The following ASTN2 variants were observed in gnomAD, a reference collection of about 807,000 sequenced individuals.
The protein encoded by ASTN2 is astrotactin-2.
Under a neutral mutation model 139.8 loss-of-function variants are expected in ASTN2, and 54 were observed. The observed-to-expected ratio is 0.39, with a 90% CI of 0.31 to 0.48. ASTN2 has a LOEUF of 0.48. ASTN2 is among the 20% of genes least tolerant of loss of function. ASTN2 has a pLI of 0.95. For missense variants in ASTN2, 1,565 were observed against 1,725.1 expected, an observed-to-expected ratio of 0.91 and a Z score of 1.64; for synonymous variants, 756 against 719.5, an observed-to-expected ratio of 1.05 and a Z score of -0.81.
chr9:116,862,753 C>T (rs1285581881), intron 11 of ASTN2, among the ~76,000 whole-genome samples: 1 of 151,200 alleles, frequency 6.6e-6, no homozygotes, highest in East Asian at 2.0e-4. Context: ...CTGAGTTTAG[C>T]CTATGTGGCA....
chr9:116,958,578 G>A (rs1450197533), intron 10 of ASTN2, among the ~76,000 whole-genome samples: 1 of 151,964 alleles, frequency 6.6e-6, no homozygotes. Context: ...GACAAAGCTG[G>A]ACTCCGTCTC....
chr9:117,383,157 C>T (rs1038133144), intron 1 of ASTN2, among the ~76,000 whole-genome samples: 1 of 152,172 alleles, frequency 6.6e-6, no homozygotes, highest in African/African-American at 2.4e-5. Flanking sequence ...CACAAAATAT[C>T]ATTCTTCTTT....
At position 116,803,500 on chromosome 9, in the gene ASTN2, ATATATATATATATATATATATATTTTTTT is replaced by A. The variant is rs1367331106; in HGVS notation, c.2396+2103_2396+2131del. 0.035 allele frequency among the ~76,000 whole-genome samples: 494 copies of A among 14,250 alleles called. 13 individuals carry two copies. In the East Asian group the frequency reaches 0.35, roughly 10 times the overall value. The allele number at this position is 14,250 out of a possible 152,430, so 9.3% of individuals were successfully genotyped here. ...TCGAATAATATATATATATATATAT[ATATATATATATATATATATATATTTTTTT>A]TTTTTTTTTTTTTTAGACGGAGTCT... On this transcript the variant is annotated intron_variant, in intron 13 of 22. Coordinates refer to ENST00000313400, the MANE Select transcript of ASTN2 (RefSeq NM_001365068.1).
intron 5 of ASTN2, among the ~76,000 whole-genome samples, chr9:117,071,059 G>A (rs1828107161): frequency 6.7e-6 from 1 of 149,006 alleles, no homozygotes; most frequent in African/African-American, 2.5e-5. Context: ...GTGAGGAGCT[G>A]CGTTCCTTTG....
intron 5 of ASTN2, among the ~76,000 whole-genome samples, chr9:117,083,468 G>T (rs537849138): frequency 6.6e-6 from 1 of 152,272 alleles, no homozygotes; most frequent in South Asian, 2.1e-4. Flanking sequence ...ATTAAATAAG[G>T]TTATGCATGC....
At chr9:116,544,744 C>G (rs1228110319) in intron 19 of ASTN2, among the ~76,000 whole-genome samples, 1 of 152,120 alleles carries the variant, frequency 6.6e-6, no homozygotes, top group African/African-American at 2.4e-5. Flanking sequence ...GGCCTCTAGA[C>G]CACAGGAGCA....
intron 19 of ASTN2, among the ~76,000 whole-genome samples, chr9:116,605,481 G>A (rs1855145036): frequency 6.6e-6 from 1 of 152,160 alleles, no homozygotes; most frequent in South Asian, 2.1e-4. Context: ...GAAAATGCAT[G>A]GGGGTGTGGT....
In ASTN2 at chr9:116,917,156, C is replaced by T. The variant is rs144829683; in HGVS notation, c.1890-53423G>A. On this transcript the variant is annotated intron_variant, in intron 10 of 22. Transcript: ENST00000313400. ...CTTTTTCTCACCTCCTTTCCCTTTA[C>T]TCCTGCTCATCCTGTAGATGTTAGA... Among the ~76,000 whole-genome samples the T allele has an allele frequency of 1.1e-3, 169 of 152,286 alleles. 1 individual carries two copies. Among genetic ancestry groups the T allele is most frequent in the African/African-American group, 4.0e-3 (165 of 41,562 alleles).
At chr9:116,831,219 A>G (rs1364529279) in intron 11 of ASTN2, among the ~76,000 whole-genome samples, 1 of 152,156 alleles carries the variant, frequency 6.6e-6, no homozygotes, top group Non-Finnish European at 1.5e-5. Context: ...GGGTGGGAAG[A>G]GTATGAGGGT....
intron 15 of ASTN2, among the ~76,000 whole-genome samples, chr9:116,727,748 G>A (rs1177676303): frequency 2.0e-5 from 3 of 152,070 alleles, no homozygotes; most frequent in Non-Finnish European, 4.4e-5. Flanking sequence ...TCCCTGCTCT[G>A]CCACTTACTA....
chr9:116,957,835 C>T (rs1468794869), intron 10 of ASTN2, among the ~76,000 whole-genome samples: 1 of 152,202 alleles, frequency 6.6e-6, no homozygotes. Context: ...CACATGCCAC[C>T]ACATCCAGCT....
chr9:116,633,287 G>T (rs1453896849), intron 17 of ASTN2, among the ~76,000 whole-genome samples: 1 of 152,222 alleles, frequency 6.6e-6, no homozygotes, highest in Non-Finnish European at 1.5e-5. Context: ...ACCTTGAATT[G>T]TCAAGGGTTT....
At chr9:117,142,150 G>T (rs898486687) in intron 3 of ASTN2, among the ~76,000 whole-genome samples, 2 of 152,212 alleles carry the variant, frequency 1.3e-5, no homozygotes, top group Non-Finnish European at 2.9e-5. Context: ...GATGAGATTG[G>T]AGTGATAAAG....
intron 2 of ASTN2, among the ~76,000 whole-genome samples, chr9:117,257,338 T>C (rs1329010122): frequency 1.3e-5 from 2 of 152,198 alleles, no homozygotes; most frequent in Admixed American, 1.3e-4. Context: ...GAAAAGTAGA[T>C]TCATGATCCA....
intron 19 of ASTN2, among the ~76,000 whole-genome samples, chr9:116,493,821 G>GT (rs1159734185): frequency 5.3e-5 from 8 of 152,162 alleles, no homozygotes; most frequent in Non-Finnish European, 1.2e-4. Flanking sequence ...GGGACGGCAA[G>GT]TTTTTTAGCC....
chr9:116,769,110 G>T (rs1829890667), intron 13 of ASTN2, among the ~76,000 whole-genome samples: 1 of 152,182 alleles, frequency 6.6e-6, no homozygotes, highest in Non-Finnish European at 1.5e-5. Context: ...AGTGTGTGGG[G>T]AGAGAAGACA....
intron 4 of ASTN2, among the ~76,000 whole-genome samples, chr9:117,140,402 A>G (rs1476876161): frequency 6.6e-6 from 1 of 152,150 alleles, no homozygotes; most frequent in Non-Finnish European, 1.5e-5. Flanking sequence ...AGAGGCAAGA[A>G]GAGGAGACTA....
At position 116,993,876 on chromosome 9, in the gene ASTN2, A is replaced by ATATATATTTT. The variant is rs1030120382; in HGVS notation, c.1591+14215_1591+14216insAAAATATATA. ...ATGATATATATATATATATATATAT[A>ATATATATTTT]TTTTAACTATATTACTATATATATT... On this transcript the variant is annotated intron_variant, in intron 7 of 22. Transcript: ENST00000313400. 1.3e-3 allele frequency among the ~76,000 whole-genome samples: 188 copies of ATATATATTTT among 142,028 alleles called. 1 individual carries two copies. Among genetic ancestry groups the ATATATATTTT allele is most frequent in the Middle Eastern group, 3.7e-3 (1 of 270 alleles). 93.2% of individuals were successfully genotyped at this position (142,028 alleles called of 152,430 possible).
chr9:116,620,312 C>T lies in ASTN2; in HGVS notation c.3204G>A (p.Pro1068=), dbSNP rs111633658. The change falls in exon 18 of 23, where the codon CCG becomes CCA. Residue 1068 remains proline (P), a splice_region_variant and synonymous_variant. Transcript: ENST00000313400. The part of the protein sequence containing the change: ...GLPNCSPLLQ[P]VLRLSPTVEP... ...GAAAAGGGGCCATACATACGTACAC[C>T]GGCTGCAGAAGGGGGCTGCAGTTGG... is the stretch of plus-strand genomic sequence containing the variant. 6.4e-3 allele frequency: 10,368 copies of T among 1,614,060 alleles called. 40 individuals are homozygous for T. Among genetic ancestry groups the T allele is most frequent in the Non-Finnish European group, 8.1e-3 (9,500 of 1,180,024 alleles).
Sources: gnomAD v4.1 joint callset for allele counts (sites outside exome capture counted in the v4.1 genomes callset) on GRCh38, gnomAD v4.1.1 for gene constraint, MANE v1.5 for transcripts, NCBI Gene and HGNC (gene_info 2026-07-23, HGNC 2026-07-21) for gene names.